Variants in UST observed in about 807,000 individuals in gnomAD.
UST encodes the protein uronyl 2-sulfotransferase.
UST carries 21 observed loss-of-function variants against 45.6 expected under a neutral mutation model. The observed-to-expected ratio is 0.46, with a 90% confidence interval of 0.33 to 0.66. The LOEUF (loss-of-function observed/expected upper bound fraction) is 0.66, where lower values mean the gene tolerates loss of function less well. Ranked by LOEUF, UST falls within the 30% of genes least tolerant of loss-of-function variation. The probability of loss-of-function intolerance (pLI) is 0.02; values close to 1 mark genes in which losing one functional copy is unlikely to be tolerated. For missense variants in UST, 463 were observed against 512.4 expected, an observed-to-expected ratio of 0.90 and a Z score of 0.93; for synonymous variants, 215 against 200.6, an observed-to-expected ratio of 1.07 and a Z score of -0.61.
intron 1 of UST, among the ~76,000 whole-genome samples, chr6:148,762,070 T>C (rs1023669860): frequency 6.6e-6 from 1 of 152,184 alleles, no homozygotes; most frequent in Non-Finnish European, 1.5e-5. Context: ...AGGCTGTTCT[T>C]GTTTGCTTGT....
chr6:148,987,023 T>G (rs990012089), intron 5 of UST, among the ~76,000 whole-genome samples: 4 of 152,260 alleles, frequency 2.6e-5, no homozygotes, highest in African/African-American at 9.6e-5. Flanking sequence ...TTCATACAGA[T>G]GTATCTTTCT....
At chr6:148,928,854 C>T (rs1009382199) in intron 2 of UST, among the ~76,000 whole-genome samples, 1 of 152,226 alleles carries the variant, frequency 6.6e-6, no homozygotes, top group Non-Finnish European at 1.5e-5. Flanking sequence ...AATCTCCCAG[C>T]TCAAGTTCAC....
intron 1 of UST, among the ~76,000 whole-genome samples, chr6:148,850,635 TG>T (rs1196610993): frequency 6.6e-6 from 1 of 152,134 alleles, no homozygotes; most frequent in East Asian, 1.9e-4. Flanking sequence ...GTTGCAGGAA[TG>T]GATGGAGGTC....
Position 149,032,188 on chromosome 6 carries a change from G to A in UST, c.937+10707G>A, listed in dbSNP as rs187528768. On this transcript the variant is annotated intron_variant, in intron 7 of 7. Coordinates refer to ENST00000367463, the MANE Select transcript of UST (RefSeq NM_005715.3). Reference sequence around the variant, plus strand: ...CAATCTCAGCGCCAGTGGCCAAGCCGCTGCTGCCGGAGGGCCTGTGTCACC... The same window carrying A: ...CAATCTCAGCGCCAGTGGCCAAGCCACTGCTGCCGGAGGGCCTGTGTCACC... Among the ~76,000 whole-genome samples the A allele has an allele frequency of 9.9e-3, 1,503 of 152,288 alleles. 30 individuals are homozygous for A. Among genetic ancestry groups the A allele is most frequent in the African/African-American group, 0.034 (1,401 of 41,550 alleles).
In UST at chr6:148,997,579, A is replaced by T. The variant is rs187578994; in HGVS notation, c.682-21560A>T. ...TTATTATATGCAGGTACATCTTAGG[A>T]TATATACATTTAGTGAACCAACATA... On this transcript the variant is annotated intron_variant, in intron 5 of 7. Coordinates refer to ENST00000367463, the MANE Select transcript of UST (RefSeq NM_005715.3). 2.1e-3 allele frequency among the ~76,000 whole-genome samples: 314 copies of T among 152,316 alleles called. 1 individual carries two copies. Among genetic ancestry groups the T allele is most frequent in the African/African-American group, 7.2e-3 (299 of 41,570 alleles).
intron 1 of UST, among the ~76,000 whole-genome samples, chr6:148,765,501 A>G (rs996452832): frequency 2.0e-5 from 3 of 152,178 alleles, no homozygotes. Context: ...TTCTGTGAAA[A>G]ATGACATCGG....
At chr6:149,008,755 C>T (rs764478258) in intron 5 of UST, among the ~76,000 whole-genome samples, 7 of 152,224 alleles carry the variant, frequency 4.6e-5, no homozygotes, top group Non-Finnish European at 1.0e-4. Context: ...TCATCCCTAC[C>T]TGGGAAAGCC....
At chr6:148,754,271 C>T (rs1464373886) in intron 1 of UST, among the ~76,000 whole-genome samples, 1 of 152,200 alleles carries the variant, frequency 6.6e-6, no homozygotes, top group African/African-American at 2.4e-5. Context: ...GCTGGGATTA[C>T]AGGCATGAGC....
intron 2 of UST, among the ~76,000 whole-genome samples, chr6:148,907,432 C>A (rs1029085776): frequency 6.6e-6 from 1 of 152,128 alleles, no homozygotes; most frequent in East Asian, 1.9e-4. Flanking sequence ...CCACAACACA[C>A]ATAGGGGAGA....
chr6:149,045,734 T>C (rs2115033760), intron 7 of UST, among the ~76,000 whole-genome samples: 1 of 152,170 alleles, frequency 6.6e-6, no homozygotes, highest in African/African-American at 2.4e-5. Flanking sequence ...GAAGGAGAGG[T>C]GGGGTTTTAA....
intron 7 of UST, among the ~76,000 whole-genome samples, chr6:149,033,431 T>C (rs1776186295): frequency 6.6e-6 from 1 of 152,254 alleles, no homozygotes; most frequent in Admixed American, 6.5e-5. Context: ...TTTTTATCAA[T>C]ACATAATGTC....
intron 2 of UST, among the ~76,000 whole-genome samples, chr6:148,911,007 G>T: frequency 6.6e-6 from 1 of 152,106 alleles, no homozygotes; most frequent in East Asian, 1.9e-4. Context: ...AGTTCACTAG[G>T]CCTGGTCTTG....
At position 149,074,313 on chromosome 6, in the gene UST, C is replaced by A; in HGVS notation, c.*197C>A. 1 of 632,330 alleles carries A rather than the reference C, an allele frequency of 1.6e-6. No individual in the cohort carries two copies. The highest frequency in any genetic ancestry group is 2.7e-6 in the Non-Finnish European group (1 of 372,830). The allele number at this position is 632,330 out of a possible 1,614,324, so 39.2% of individuals were successfully genotyped here. A position where few individuals can be genotyped will look rare whatever the true frequency, so the allele number is the denominator to read the frequency against. On this transcript the variant is annotated 3_prime_UTR_variant, in exon 8 of 8. Transcript: ENST00000367463. ...AATTTTATTCTGTGTTTTCTCTTGG[C>A]TCTTTGGGTCTTTCCCGGGTACACT... is the stretch of plus-strand genomic sequence containing the variant.
At chr6:148,839,709 C>T (rs1371914407) in intron 1 of UST, among the ~76,000 whole-genome samples, 1 of 152,168 alleles carries the variant, frequency 6.6e-6, no homozygotes, top group Non-Finnish European at 1.5e-5. Context: ...TCAGCTTCTC[C>T]TCCAACATTT....
At chr6:148,822,914 C>A (rs1180761260) in intron 1 of UST, among the ~76,000 whole-genome samples, 1 of 152,016 alleles carries the variant, frequency 6.6e-6, no homozygotes, top group Non-Finnish European at 1.5e-5. Context: ...ATAACCTAAC[C>A]AGTAAAAAGT....
chr6:148,786,838 A>G (rs1562257578), intron 1 of UST, among the ~76,000 whole-genome samples: 1 of 152,206 alleles, frequency 6.6e-6, no homozygotes, highest in Admixed American at 6.5e-5. Context: ...CCAACAGTGT[A>G]AAAACATTCC....
intron 2 of UST, among the ~76,000 whole-genome samples, chr6:148,940,634 C>G (rs751300441): frequency 1.3e-5 from 2 of 152,158 alleles, no homozygotes; most frequent in Non-Finnish European, 2.9e-5. Flanking sequence ...AAAAATTAAA[C>G]CTACGGTTAC....
chr6:148,916,235 A>G (rs9390631), intron 2 of UST, among the ~76,000 whole-genome samples: 55,131 of 152,070 alleles, frequency 0.36, 10,388 homozygotes, highest in South Asian at 0.57. Flanking sequence ...CATTTTACGG[A>G]TGGATAAACT....
At chr6:148,770,413 A>G (rs1341292084) in intron 1 of UST, among the ~76,000 whole-genome samples, 1 of 151,508 alleles carries the variant, frequency 6.6e-6, no homozygotes, top group Admixed American at 6.6e-5. Context: ...CACACGAAGC[A>G]GTACAGAGTG....
Sources: allele counts gnomAD v4.1 joint callset (sites outside exome capture counted in the v4.1 genomes callset), GRCh38; gene constraint gnomAD v4.1.1; transcripts MANE v1.5; gene names NCBI Gene and HGNC (gene_info 2026-07-23, HGNC 2026-07-21).